The following SRD5A2 variants were observed in gnomAD, a reference collection of about 807,000 sequenced individuals.
SRD5A2 encodes the protein 3-oxo-5-alpha-steroid 4-dehydrogenase 2.
Under a neutral mutation model 27.4 loss-of-function variants are expected in SRD5A2, and 30 were observed. That is an observed-to-expected ratio of 1.10 (90% CI 0.82 to 1.49). SRD5A2 has a LOEUF of 1.49. Ranked by LOEUF, SRD5A2 falls within the 40% of genes most tolerant of loss-of-function variation. SRD5A2 has a pLI of 0.00. For synonymous variants in SRD5A2, 141 were observed against 133.6 expected (o/e 1.06, Z -0.38); for missense variants, 348 against 323.4 (o/e 1.08, Z -0.58).
At chr2:31,645,860 T>C in the SRD5A2 span, among the ~76,000 whole-genome samples, 1 of 152,254 alleles carries the variant, frequency 6.6e-6, no homozygotes, top group East Asian at 1.9e-4. Context: ...CTCACGTATA[T>C]AATTCATGCA....
the SRD5A2 span, among the ~76,000 whole-genome samples, chr2:31,659,580 C>A: frequency 6.6e-6 from 1 of 152,226 alleles, no homozygotes; most frequent in Admixed American, 6.5e-5. Context: ...ATCCCATTCA[C>A]AATTACCACA....
chr2:31,553,768 C>T (rs2148080920), intron 1 of SRD5A2, among the ~76,000 whole-genome samples: 1 of 152,184 alleles, frequency 6.6e-6, no homozygotes, highest in Non-Finnish European at 1.5e-5. Flanking sequence ...TAAATATTAG[C>T]TGTCTGTGGT....
the SRD5A2 span, among the ~76,000 whole-genome samples, chr2:31,635,021 T>C: frequency 6.6e-6 from 1 of 152,200 alleles, no homozygotes; most frequent in Non-Finnish European, 1.5e-5. Flanking sequence ...TTTGATACAT[T>C]GATTTCCTAT....
chr2:31,536,669 C>A (rs1179497262), intron 1 of SRD5A2, among the ~76,000 whole-genome samples: 6 of 152,136 alleles, frequency 3.9e-5, no homozygotes, highest in African/African-American at 1.4e-4. Context: ...AATAACTTTG[C>A]TATTGGAAAG....
the SRD5A2 span, among the ~76,000 whole-genome samples, chr2:31,591,785 T>C: frequency 2.6e-5 from 1 of 38,628 alleles, no homozygotes; most frequent in East Asian, 7.4e-4. Flanking sequence ...ATGTCCTTTG[T>C]NAGGNCATGG....
chr2:31,621,460 A>T, the SRD5A2 span, among the ~76,000 whole-genome samples: 1 of 152,128 alleles, frequency 6.6e-6, no homozygotes, highest in Non-Finnish European at 1.5e-5. Context: ...GCTGAGTAGT[A>T]TTCTATTACA....
chr2:31,627,430 G>A, the SRD5A2 span, among the ~76,000 whole-genome samples: 7 of 142,588 alleles, frequency 4.9e-5, no homozygotes, highest in Admixed American at 4.1e-4. Flanking sequence ...TCTTTTGTAC[G>A]GGGGTGTGTG....
At chr2:31,578,743 G>T (rs1237293800) in intron 1 of SRD5A2, among the ~76,000 whole-genome samples, 3 of 152,078 alleles carry the variant, frequency 2.0e-5, no homozygotes, top group Non-Finnish European at 4.4e-5. Context: ...TCTGAAGAAG[G>T]ACAATATGTA....
At chr2:31,619,712 T>A in the SRD5A2 span, among the ~76,000 whole-genome samples, 1 of 152,134 alleles carries the variant, frequency 6.6e-6, no homozygotes, top group African/African-American at 2.4e-5. Context: ...TTTTTTCATA[T>A]GATTGTTGGC....
At chr2:31,549,297 A>G (rs930687291) in intron 1 of SRD5A2, among the ~76,000 whole-genome samples, 1 of 151,660 alleles carries the variant, frequency 6.6e-6, no homozygotes, top group Non-Finnish European at 1.5e-5. Flanking sequence ...TATTTTTAGT[A>G]GAGAGGGGGT....
rs1665690626 is a variant in SRD5A2, at chr2:31,523,025, A to C, written c.*3171T>G. ...TTCCTGAAAGGGTCTAAGCCGCCTAAATAGCTGTTTAATTGCGTATTTCTC... is the reference window on the plus strand; with the variant it reads ...TTCCTGAAAGGGTCTAAGCCGCCTACATAGCTGTTTAATTGCGTATTTCTC... On this transcript the variant is annotated 3_prime_UTR_variant, in exon 5 of 5. Coordinates refer to ENST00000622030, the MANE Select transcript of SRD5A2 (RefSeq NM_000348.4). The C allele has an allele frequency of 1.4e-5, 3 of 219,498 alleles. No homozygotes were observed. The highest frequency in any genetic ancestry group is 1.8e-5 in the Non-Finnish European group (2 of 109,368). The allele number at this position is 219,498 out of a possible 1,614,324, so 13.6% of individuals were successfully genotyped here.
the SRD5A2 span, among the ~76,000 whole-genome samples, chr2:31,630,527 A>C: frequency 2.2e-4 from 33 of 152,314 alleles, no homozygotes; most frequent in East Asian, 6.4e-3. Flanking sequence ...CACTGAGACC[A>C]CTGACAACCA....
chr2:31,553,340 A>G (rs1001652695), intron 1 of SRD5A2, among the ~76,000 whole-genome samples: 2 of 152,180 alleles, frequency 1.3e-5, no homozygotes, highest in Non-Finnish European at 2.9e-5. Flanking sequence ...GCAGAGAGAC[A>G]ATAGGAAAAA....
At chr2:31,587,758 T>G in the SRD5A2 span, among the ~76,000 whole-genome samples, 7,963 of 151,678 alleles carry the variant, frequency 0.052, 494 homozygotes, top group African/African-American at 0.15. Context: ...GGGGTTGGAG[T>G]CAAGGGGAGG....
chr2:31,617,081 C>T, the SRD5A2 span, among the ~76,000 whole-genome samples: 1 of 152,020 alleles, frequency 6.6e-6, no homozygotes, highest in East Asian at 1.9e-4. Flanking sequence ...GTAAGGCATG[C>T]TTTTCACCTT....
the SRD5A2 span, among the ~76,000 whole-genome samples, chr2:31,605,742 C>CAA: frequency 7.1e-6 from 1 of 141,436 alleles, no homozygotes; most frequent in African/African-American, 2.6e-5. Flanking sequence ...TTTGGAGGAT[C>CAA]AAAAAAAAAA....
the SRD5A2 span, among the ~76,000 whole-genome samples, chr2:31,638,841 A>G: frequency 6.6e-6 from 1 of 151,662 alleles, no homozygotes; most frequent in South Asian, 2.1e-4. Flanking sequence ...ACAGTATATA[A>G]TTGGGTCTTG....
At chr2:31,639,482 C>A in the SRD5A2 span, among the ~76,000 whole-genome samples, 1 of 152,070 alleles carries the variant, frequency 6.6e-6, no homozygotes, top group East Asian at 1.9e-4. Flanking sequence ...TTTTTATTTT[C>A]TTTCAGATTG....
chr2:31,642,183 T>C, the SRD5A2 span, among the ~76,000 whole-genome samples: 1 of 152,074 alleles, frequency 6.6e-6, no homozygotes, highest in African/African-American at 2.4e-5. Flanking sequence ...AAAAATTAGA[T>C]GTCCATATAC....
Sources: allele counts gnomAD v4.1 joint callset (sites outside exome capture counted in the v4.1 genomes callset), GRCh38; gene constraint gnomAD v4.1.1; transcripts MANE v1.5; gene names NCBI Gene and HGNC (gene_info 2026-07-23, HGNC 2026-07-21).